Variants in NELL2 observed in about 807,000 individuals in gnomAD.
NELL2 encodes the protein protein kinase C-binding protein NELL2.
Under a neutral mutation model 109.6 loss-of-function variants are expected in NELL2, and 41 were observed. That is an observed-to-expected ratio of 0.37 (90% CI 0.29 to 0.49). NELL2 has a LOEUF of 0.49. NELL2 is among the 20% of genes least tolerant of loss of function. NELL2 has a pLI of 0.98. For missense variants in NELL2, 900 were observed against 1,008.3 expected (o/e 0.89, Z 1.45); for synonymous variants, 355 against 344.7 (o/e 1.03, Z -0.33).
chr12:44,819,304 C>T (rs1253868169), intron 2 of NELL2, among the ~76,000 whole-genome samples: 1 of 152,164 alleles, frequency 6.6e-6, no homozygotes, highest in East Asian at 1.9e-4. Context: ...AAACTGGAAA[C>T]AGACCGCTTG....
chr12:44,770,553 A>G (rs1189909257), intron 9 of NELL2, among the ~76,000 whole-genome samples: 1 of 152,232 alleles, frequency 6.6e-6, no homozygotes, highest in South Asian at 2.1e-4. Flanking sequence ...AGTTTAAAAT[A>G]ATCTGATGTC....
rs531683658 is a variant in NELL2, at chr12:44,838,627, A to G, written c.185-22491T>C. Among the ~76,000 whole-genome samples the G allele has an allele frequency of 7.1e-4, 107 of 151,184 alleles. 1 individual carries two copies. The highest frequency in any genetic ancestry group is 3.4e-3 in the Middle Eastern group (1 of 294). On this transcript the variant is annotated intron_variant, in intron 2 of 19. Transcript: ENST00000429094. ...GAAACATAATAAATGCTGGATTAAC[A>G]TATCTCTCACACATGTATAGAAGCA...
chr12:44,855,886 T>C (rs1944669685), intron 2 of NELL2, among the ~76,000 whole-genome samples: 1 of 152,200 alleles, frequency 6.6e-6, no homozygotes, highest in African/African-American at 2.4e-5. Context: ...TACCATTTTT[T>C]CCATGCCTCT....
intron 2 of NELL2, among the ~76,000 whole-genome samples, chr12:44,871,819 A>G (rs1945171028): frequency 6.6e-6 from 1 of 152,202 alleles, no homozygotes; most frequent in Non-Finnish European, 1.5e-5. Flanking sequence ...ACAAATAACT[A>G]CTAAGCTTAT....
At chr12:44,719,886 T>C (rs1938677981) in intron 9 of NELL2, among the ~76,000 whole-genome samples, 2 of 152,186 alleles carry the variant, frequency 1.3e-5, no homozygotes, top group Non-Finnish European at 2.9e-5. Flanking sequence ...ATTTGTATTC[T>C]TATTATACAT....
At chr12:44,879,316 T>G (rs73281090), upstream of NELL2, among the ~76,000 whole-genome samples, 1 of 152,164 alleles carries the variant, frequency 6.6e-6, no homozygotes, top group Non-Finnish European at 1.5e-5. Flanking sequence ...AAATTTGTGT[T>G]GTTTTAATCC....
intron 3 of NELL2, among the ~76,000 whole-genome samples, chr12:44,806,748 C>T (rs2136664772): frequency 6.6e-6 from 1 of 151,828 alleles, no homozygotes. Flanking sequence ...TTTGCATTTG[C>T]ATTTTTAAAT....
intron 1 of NELL2, 165 bp from the exon 2 acceptor site, chr12:44,875,518 A>G (rs1177959357): frequency 6.2e-7 from 1 of 1,613,956 alleles, no homozygotes; most frequent in Admixed American, 1.7e-5. Context: ...TGAGATCAGC[A>G]GCCAAGCTTT....
At chr12:44,893,830 C>T (rs1254115147) in intron 1 of NELL2, among the ~76,000 whole-genome samples, 2 of 152,166 alleles carry the variant, frequency 1.3e-5, no homozygotes, top group African/African-American at 4.8e-5. Flanking sequence ...CTAAACTTGG[C>T]CTACAGAAGT....
chr12:44,884,133 AAT>A (rs1420532809), intron 1 of NELL2, among the ~76,000 whole-genome samples: 1 of 151,766 alleles, frequency 6.6e-6, no homozygotes, highest in Non-Finnish European at 1.5e-5. Context: ...AATATATAAA[AAT>A]ATATATACTA....
intron 19 of NELL2, among the ~76,000 whole-genome samples, chr12:44,511,957 G>A (rs1026743450): frequency 2.0e-5 from 3 of 151,858 alleles, no homozygotes; most frequent in Non-Finnish European, 2.9e-5. Flanking sequence ...AAAAGCACAG[G>A]CAACAAAAAC....
intron 13 of NELL2, among the ~76,000 whole-genome samples, chr12:44,615,320 G>A (rs12578273): frequency 6.6e-6 from 1 of 151,956 alleles, no homozygotes; most frequent in Non-Finnish European, 1.5e-5. Context: ...TTGGAATCTC[G>A]AGGCCCTTAT....
rs533716064 is a variant in NELL2, at chr12:44,856,526, G to A, written c.184+18699C>T. ...GCCTCATTAAAAACTTGTTATCTGA[G>A]AAAAACGTTTGAAAGAAGTAAGGCG... On this transcript the variant is annotated intron_variant, in intron 2 of 19. Coordinates refer to ENST00000429094, the MANE Select transcript of NELL2 (RefSeq NM_001145108.2). Among the ~76,000 whole-genome samples the A allele has an allele frequency of 2.0e-5, 3 of 152,254 alleles. No individual in the cohort carries two copies. The South Asian group carries it at 6.2e-4, about 32-fold the overall frequency.
At chr12:44,690,167 A>G (rs116510774) in intron 12 of NELL2, among the ~76,000 whole-genome samples, 429 of 152,320 alleles carry the variant, frequency 2.8e-3, no homozygotes, top group African/African-American at 9.9e-3. Flanking sequence ...TGCATTTTTC[A>G]TAAGATCCTC....
At chr12:44,910,065 G>C (rs1166904353) in intron 1 of NELL2, among the ~76,000 whole-genome samples, 1 of 151,878 alleles carries the variant, frequency 6.6e-6, no homozygotes, top group Non-Finnish European at 1.5e-5. Context: ...TCTGGACATC[G>C]GCCTTAGGAA....
chr12:44,796,189 A>C (rs1035481250), intron 3 of NELL2, among the ~76,000 whole-genome samples: 1 of 152,104 alleles, frequency 6.6e-6, no homozygotes, highest in Non-Finnish European at 1.5e-5. Context: ...AAGAGTAAGC[A>C]CTCCATATGT....
At chr12:44,635,930 T>C (rs556874218) in intron 13 of NELL2, among the ~76,000 whole-genome samples, 1 of 152,316 alleles carries the variant, frequency 6.6e-6, no homozygotes, top group Admixed American at 6.5e-5. Flanking sequence ...GGAATGTTTT[T>C]CCATTTGTTT....
intron 2 of NELL2, among the ~76,000 whole-genome samples, chr12:44,825,298 T>C (rs1943673057): frequency 6.6e-6 from 1 of 152,078 alleles, no homozygotes; most frequent in Non-Finnish European, 1.5e-5. Flanking sequence ...CAGTGTTTCA[T>C]AGTTTTCATT....
intron 15 of NELL2, among the ~76,000 whole-genome samples, chr12:44,537,530 A>G (rs1942348867): frequency 6.6e-6 from 1 of 152,060 alleles, no homozygotes; most frequent in Non-Finnish European, 1.5e-5. Context: ...TTTATCATTA[A>G]TAAAAATATG....
Sources: gnomAD v4.1 joint callset for allele counts (sites outside exome capture counted in the v4.1 genomes callset) on GRCh38, gnomAD v4.1.1 for gene constraint, MANE v1.5 for transcripts, NCBI Gene and HGNC (gene_info 2026-07-23, HGNC 2026-07-21) for gene names.